HNRNPAB: variants seen among roughly 807,000 people sequenced by gnomAD.
The protein encoded by HNRNPAB is heterogeneous nuclear ribonucleoprotein A/B.
In HNRNPAB, 17 loss-of-function variants were observed where a neutral mutation model predicts 44.1. The observed-to-expected ratio is 0.39, with a 90% CI of 0.26 to 0.58. The LOEUF (loss-of-function observed/expected upper bound fraction) is 0.58. HNRNPAB is among the 20% of genes least tolerant of loss of function. The pLI is 0.63. For missense variants in HNRNPAB, 393 were observed against 432.7 expected (o/e 0.91, Z 0.81); for synonymous variants, 183 against 167.6 (o/e 1.09, Z -0.71).
intron 2 of HNRNPAB, chr5:178,205,611 T>A: frequency 2.0e-6 from 1 of 497,672 alleles, no homozygotes; most frequent in Non-Finnish European, 3.6e-6. Flanking sequence ...GGTGAGGTGG[T>A]CCCTTCTTTG....
At position 178,209,403 on chromosome 5, in the gene HNRNPAB, G is replaced by A. The variant is rs764837427; in HGVS notation, c.743G>A (p.Arg248His). The change falls in exon 6 of 8, where the codon CGC (arginine) becomes CAC (histidine). Residue 248 changes from arginine (R) to histidine (H), a missense_variant. Arg to His is a conservative substitution (Grantham distance 29, BLOSUM62 0). Transcript: ENST00000358344. ...QQYGSGGRGNRNRGNRGSGGG... is the reference protein window; with the variant it reads ...QQYGSGGRGNHNRGNRGSGGG... Reference sequence around the variant, plus strand: ...TATGGCTCTGGGGGCCGTGGAAACCGCAACCGAGGGAACCGAGGCAGCGGA... The same window carrying A: ...TATGGCTCTGGGGGCCGTGGAAACCACAACCGAGGGAACCGAGGCAGCGGA... 22 of 1,614,164 alleles carry A rather than the reference G, an allele frequency of 1.4e-5. No individual in the cohort carries two copies. Among genetic ancestry groups the A allele is most frequent in the Non-Finnish European group, 1.7e-5 (20 of 1,180,006 alleles).
chr5:178,205,202 G>A (rs1170546384), intron 2 of HNRNPAB, among the ~76,000 whole-genome samples, 156 bp downstream of exon 2: 1 of 150,850 alleles, frequency 6.6e-6, no homozygotes, highest in African/African-American at 2.4e-5. Flanking sequence ...CGGGCCTGGC[G>A]CTGCCACTCG....
At chr5:178,207,499 T>C (rs1041626213) in intron 5 of HNRNPAB, among the ~76,000 whole-genome samples, 4 of 152,108 alleles carry the variant, frequency 2.6e-5, no homozygotes, top group Non-Finnish European at 5.9e-5. Flanking sequence ...CTTTAGCTCC[T>C]CACTTAAAGC....
At position 178,209,423 on chromosome 5, in the gene HNRNPAB, AGCGGAGGTGGTG is replaced by A; in HGVS notation, c.765_776del (p.Gly260_Gly263del). ...AAACCGCAACCGAGGGAACCGAGGC[AGCGGAGGTGGTG>A]GTGGAGGTGGAGGTGAGTGGAACGT... On this transcript the variant is annotated inframe_deletion, in exon 6 of 8. Transcript: ENST00000358344. 1 of 1,614,060 alleles carries A rather than the reference AGCGGAGGTGGTG, an allele frequency of 6.2e-7. No homozygotes were observed. Among genetic ancestry groups the A allele is most frequent in the Non-Finnish European group, 8.5e-7 (1 of 1,179,934 alleles).
At chr5:178,207,504 T>TA (rs1237957845) in intron 5 of HNRNPAB, among the ~76,000 whole-genome samples, 3 of 152,132 alleles carry the variant, frequency 2.0e-5, no homozygotes, top group Admixed American at 6.5e-5. Context: ...GCTCCTCACT[T>TA]AAAGCTAGAG....
At chr5:178,205,791 C>T (rs1311357259) in intron 2 of HNRNPAB, 51 bp from the exon 3 acceptor site, 3 of 1,577,374 alleles carry the variant, frequency 1.9e-6, no homozygotes, top group Non-Finnish European at 2.6e-6. Flanking sequence ...TTTCCAAAAT[C>T]ACAGCTTGCT....
chr5:178,210,094 A>T, intron 6 of HNRNPAB, 38 bp from the exon 7 acceptor site: 1 of 1,608,210 alleles, frequency 6.2e-7, no homozygotes, highest in Non-Finnish European at 8.5e-7. Context: ...GCGTATGCTA[A>T]ATGGTCCACG....
Position 178,210,159 on chromosome 5 carries a change from A to T in HNRNPAB, c.815A>T (p.Tyr272Phe). ...CAGAGTCAGAGTTGGAATCAGGGCT[A>T]CGGCAACTACTGGAACCAGGGCTAC... ...GGQSQSWNQG[Y>F]GNYWNQGYGY... The change falls in exon 7 of 8, where the codon TAC becomes TTC. Residue 272 changes from tyrosine to phenylalanine, a missense_variant. Tyr to Phe is a conservative substitution (Grantham distance 22). Coordinates refer to ENST00000358344, the MANE Select transcript of HNRNPAB (RefSeq NM_031266.3). 1 of 1,614,050 alleles carries T rather than the reference A, an allele frequency of 6.2e-7. No homozygotes were observed. The highest frequency in any genetic ancestry group is 8.5e-7 in the Non-Finnish European group (1 of 1,179,908).
At position 178,210,270 on chromosome 5, in the gene HNRNPAB, A is replaced by G; in HGVS notation, c.926A>G (p.Tyr309Cys). 6.2e-7 allele frequency: 1 copy of G among 1,614,100 alleles called. No individual in the cohort carries two copies. The highest frequency in any genetic ancestry group is 8.5e-7 in the Non-Finnish European group (1 of 1,179,996). The change falls in exon 7 of 8, where the codon TAC becomes TGC. Residue 309 changes from tyrosine (Y) to cysteine (C), a missense_variant and splice_region_variant. Transcript: ENST00000358344. ...TACGGCTACGGCCCCGGCTACGACTACAGTAAGTAGGAGAGAGGGAGGCCC... is the reference window on the plus strand; with the variant it reads ...TACGGCTACGGCCCCGGCTACGACTGCAGTAAGTAGGAGAGAGGGAGGCCC... ...GYYGYGPGYD[Y>C]SQGSTNYGKS...
Position 178,205,745 on chromosome 5 carries a change from C to CT in HNRNPAB, c.210-96dup. 2.6e-6 allele frequency: 3 copies of CT among 1,136,628 alleles called. No homozygotes were observed. In the South Asian group the frequency reaches 4.3e-5, roughly 16 times the overall value. 70.4% of individuals were successfully genotyped at this position (1,136,628 alleles called of 1,614,324 possible). A position where few individuals can be genotyped will look rare whatever the true frequency, so the allele number is the denominator to read the frequency against. Reference sequence around the variant, plus strand: ...TGCTCCTTGCAGACTCTAAGGGTAGCTGTAGACTTCGTGAGAACTTTGCCA... The same window carrying CT: ...TGCTCCTTGCAGACTCTAAGGGTAGCTTGTAGACTTCGTGAGAACTTTGCCA... On this transcript the variant is annotated intron_variant, in intron 2 of 7. Coordinates refer to ENST00000358344, the MANE Select transcript of HNRNPAB (RefSeq NM_031266.3).
At position 178,204,804 on chromosome 5, in the gene HNRNPAB, G is replaced by A; in HGVS notation, c.-23-11G>A. 1 of 1,199,654 alleles carries A rather than the reference G, an allele frequency of 8.3e-7. No individual in the cohort carries two copies. The highest frequency in any genetic ancestry group is 1.0e-6 in the Non-Finnish European group (1 of 964,770). 74.3% of individuals were successfully genotyped at this position (1,199,654 alleles called of 1,614,324 possible). On this transcript the variant is annotated splice_polypyrimidine_tract_variant and intron_variant, in intron 1 of 7. Transcript: ENST00000358344. The stretch of plus-strand genomic sequence containing the variant: ...CGCGCCGGCCTGACGCGCTGTCGCC[G>A]CTGGTTGCAGGAGCCGCCGCGCCTC...
Position 178,205,955 on chromosome 5 carries a change from G to C in HNRNPAB, c.323G>C (p.Gly108Ala). 1.2e-6 allele frequency: 2 copies of C among 1,614,222 alleles called. No individual in the cohort carries two copies. The highest frequency in any genetic ancestry group is 1.7e-6 in the Non-Finnish European group (2 of 1,180,028). Residue 108 changes from glycine (G) to alanine (A), a missense_variant, in exon 3 of 8, where the codon GGA (glycine) becomes GCA (alanine). Gly to Ala is a moderately conservative substitution (Grantham distance 60). Coordinates refer to ENST00000358344, the MANE Select transcript of HNRNPAB (RefSeq NM_031266.3). The stretch of plus-strand genomic sequence containing the variant: ...ACAATAAAAATGGATCCCAACACTG[G>C]ACGGTCAAGAGGGTTTGGGTTTATC... ...DCTIKMDPNTGRSRGFGFILF... is the reference protein window; with the variant it reads ...DCTIKMDPNTARSRGFGFILF...
chr5:178,207,785 C>T (rs893563223), intron 5 of HNRNPAB, among the ~76,000 whole-genome samples: 2 of 141,794 alleles, frequency 1.4e-5, no homozygotes, highest in African/African-American at 2.6e-5. Flanking sequence ...TCACTGCAAC[C>T]TTGACCTCAT....
chr5:178,208,897 TG>T (rs1256580326), intron 5 of HNRNPAB: 1 of 157,058 alleles, frequency 6.4e-6, no homozygotes, highest in African/African-American at 2.4e-5. Context: ...AGCGTGTATT[TG>T]GATGAGATGA....
chr5:178,207,276 C>T (rs2113546790), intron 5 of HNRNPAB, 51 bp downstream of exon 5: 1 of 1,605,916 alleles, frequency 6.2e-7, no homozygotes, highest in African/African-American at 1.3e-5. Context: ...GAGAGCTGGC[C>T]CTTAGAGGGA....
rs1030902651 is a variant in HNRNPAB, at chr5:178,204,581, C to T, written c.-183C>T. 2.1e-5 allele frequency: 5 copies of T among 243,042 alleles called. No individual in the cohort carries two copies. In the East Asian group the frequency reaches 3.2e-4, roughly 16 times the overall value. 15.1% of individuals were successfully genotyped at this position (243,042 alleles called of 1,614,324 possible). On this transcript the variant is annotated 5_prime_UTR_variant, in exon 1 of 8. Transcript: ENST00000358344. ...GAGCTTGGCTGTTGGTCGGTGGGTT[C>T]CCGTGCGGCGGCGGCCAAGGAGGAG...
chr5:178,206,860 G>A lies in HNRNPAB; in HGVS notation c.507G>A (p.Lys169=), dbSNP rs759913570. 1 of 1,614,208 alleles carries A rather than the reference G, an allele frequency of 6.2e-7. No homozygotes were observed. Among genetic ancestry groups the A allele is most frequent in the Non-Finnish European group, 8.5e-7 (1 of 1,180,030 alleles). The change falls in exon 4 of 8, where the codon AAG becomes AAA. Residue 169 remains lysine (K), a synonymous_variant. Coordinates refer to ENST00000358344, the MANE Select transcript of HNRNPAB (RefSeq NM_031266.3). Reference sequence around the variant, plus strand: ...TGAATCCTGAAGCCACTGAGGAAAAGATCAGGGAGTACTTTGGCGAGTTTG... The same window carrying A: ...TGAATCCTGAAGCCACTGAGGAAAAAATCAGGGAGTACTTTGGCGAGTTTG... ...GGLNPEATEE[K]IREYFGEFGE... is the part of the protein sequence containing the mutation.
intron 2 of HNRNPAB, 72 bp from the exon 3 acceptor site, chr5:178,205,770 A>G: frequency 2.7e-6 from 4 of 1,480,756 alleles, no homozygotes; most frequent in Non-Finnish European, 9.2e-7. Flanking sequence ...GAACTTTGCC[A>G]GGGCCAGTCC....
At chr5:178,208,489 A>T (rs1205751697) in intron 5 of HNRNPAB, 2 of 152,206 alleles carry the variant, frequency 1.3e-5, no homozygotes, top group Non-Finnish European at 2.9e-5. Context: ...AGGAGTAAGT[A>T]TATTTAGTTG....
Sources: allele counts gnomAD v4.1 joint callset (sites outside exome capture counted in the v4.1 genomes callset), GRCh38; gene constraint gnomAD v4.1.1; transcripts MANE v1.5; gene names NCBI Gene and HGNC (gene_info 2026-07-23, HGNC 2026-07-21).